Variants in PHF19 observed in about 807,000 individuals in gnomAD.
PHF19 encodes the protein polycomb like 3.
A neutral mutation model predicts 79.8 loss-of-function variants in PHF19; 21 were observed. The ratio of observed to expected loss-of-function variants is 0.26; its 90% confidence interval spans 0.19 to 0.38. PHF19 has a LOEUF of 0.38. PHF19 is among the 10% of genes least tolerant of loss of function. PHF19 has a pLI of 1.00. For missense variants in PHF19, 445 were observed against 744.2 expected, an observed-to-expected ratio of 0.60 and a Z score of 4.68; for synonymous variants, 273 against 296.3, an observed-to-expected ratio of 0.92 and a Z score of 0.81.
chr9:120,870,511 C>G lies in PHF19; in HGVS notation c.296G>C (p.Cys99Ser). The G allele has an allele frequency of 6.2e-7, 1 of 1,612,162 alleles. No individual in the cohort carries two copies. Among genetic ancestry groups the G allele is most frequent in the Non-Finnish European group, 8.5e-7 (1 of 1,178,180 alleles). Residue 99 changes from cysteine to serine, a missense_variant, in exon 4 of 15, where the codon TGC becomes TCC. Cys to Ser is a moderately radical substitution (Grantham distance 112, BLOSUM62 -1). Coordinates refer to ENST00000373896, the MANE Select transcript of PHF19 (RefSeq NM_015651.3). This position sits in a 1 kb window ranked among gnomAD's most constrained non-coding sequence, Gnocchi z 4.4. Reference protein sequence around the residue: ...HAGVPGEEPKCNICLGKTSGP... With the variant: ...HAGVPGEEPKSNICLGKTSGP... ...TGATGTCTTCCCTAGGCAGATGTTGCACTTGGGCTCCTCTCCTGGAACACC... is the reference window on the plus strand; with the variant it reads ...TGATGTCTTCCCTAGGCAGATGTTGGACTTGGGCTCCTCTCCTGGAACACC...
Position 120,864,066 on chromosome 9 carries a change from C to T in PHF19, c.951G>A (p.Leu317=), listed in dbSNP as rs1247762562. Residue 317 remains leucine (L), a synonymous_variant, in exon 10 of 15, where the codon CTG becomes CTA. Coordinates refer to ENST00000373896, the MANE Select transcript of PHF19 (RefSeq NM_015651.3). ...GCACGCACCGGCTTTTATAACTGTT[C>T]AGAGCGTTGAGGAGATGTGGTCCTC... ...TDRGPHLLNA[L]NSYKSRFLCG... The T allele has an allele frequency of 2.5e-6, 4 of 1,613,758 alleles. No homozygotes were observed. Among genetic ancestry groups the T allele is most frequent in the African/African-American group, 2.7e-5 (2 of 74,924 alleles).
Position 120,885,231 on chromosome 9 carries a change from C to G in PHF19, c.42+9557G>C, listed in dbSNP as rs148152263. ...AGACCCTGTGTCTTAATGGAGGGAA[C>G]CTTCCAAGTCAAGTTTTCCAACTTC... is the stretch of plus-strand genomic sequence containing the variant. On this transcript the variant is annotated intron_variant, in intron 1 of 14. Transcript: ENST00000616568. 5.9e-5 allele frequency among the ~76,000 whole-genome samples: 9 copies of G among 152,138 alleles called. No homozygotes were observed. In the East Asian group the frequency reaches 1.4e-3, roughly 23 times the overall value.
At chr9:120,872,037 C>CAACAA (rs2045912335) in intron 3 of PHF19, among the ~76,000 whole-genome samples, 1 of 30,322 alleles carries the variant, frequency 3.3e-5, no homozygotes, top group Admixed American at 6.0e-4. Flanking sequence ...GACTCTGTCT[C>CAACAA]AAAAAAAAAA....
chr9:120,879,043 G>T (rs906944963), upstream of PHF19, among the ~76,000 whole-genome samples: 1 of 126,704 alleles, frequency 7.9e-6, no homozygotes, highest in Non-Finnish European at 1.7e-5. Context: ...ATGGGAGCCT[G>T]AGTGTGTCAC....
chr9:120,881,497 T>G (rs996309426), upstream of PHF19, among the ~76,000 whole-genome samples: 1 of 152,114 alleles, frequency 6.6e-6, no homozygotes, highest in Non-Finnish European at 1.5e-5. Flanking sequence ...AAAAAAAAAT[T>G]AAAATCTGAG....
At position 120,874,163 on chromosome 9, in the gene PHF19, C is replaced by A; in HGVS notation, c.187-103G>T. The A allele has an allele frequency of 1.4e-6, 1 of 698,732 alleles. No homozygotes were observed. The highest frequency in any genetic ancestry group is 1.7e-5 in the South Asian group (1 of 59,784). 43.3% of individuals were successfully genotyped at this position (698,732 alleles called of 1,614,324 possible). ...TTTTGTCTCCGTATGTTCCAGAAAG[C>A]AGGGCTAGAAGGGGAAGAAGGATGG... On this transcript the variant is annotated intron_variant, in intron 2 of 14. Coordinates refer to ENST00000373896, the MANE Select transcript of PHF19 (RefSeq NM_015651.3). The surrounding 1 kb of genome is among the most constrained non-coding windows in gnomAD (Gnocchi z 4.5).
In PHF19 at chr9:120,869,476, C is replaced by G; in HGVS notation, c.466-146G>C. On this transcript the variant is annotated intron_variant, in intron 5 of 14. Coordinates refer to ENST00000373896, the MANE Select transcript of PHF19 (RefSeq NM_015651.3). The surrounding 1 kb of genome is among the most constrained non-coding windows in gnomAD (Gnocchi z 5.8). ...TAGTCAGAAAAGCAAGGAGCTTTTTCTCATTAATTCCAAACCCATCCCCTC... is the reference window on the plus strand; with the variant it reads ...TAGTCAGAAAAGCAAGGAGCTTTTTGTCATTAATTCCAAACCCATCCCCTC... 7.5e-7 allele frequency: 1 copy of G among 1,331,806 alleles called. No individual in the cohort carries two copies. Among genetic ancestry groups the G allele is most frequent in the Non-Finnish European group, 1.0e-6 (1 of 1,000,390 alleles). 82.5% of individuals were successfully genotyped at this position (1,331,806 alleles called of 1,614,324 possible). A position where few individuals can be genotyped will look rare whatever the true frequency, so the allele number is the denominator to read the frequency against.
rs2045827057 is a variant in PHF19 at position 120,869,586 on chromosome 9, A to C, written c.466-256T>G. 2 of 1,470,184 alleles carry C rather than the reference A, an allele frequency of 1.4e-6. No individual in the cohort carries two copies. Among genetic ancestry groups the C allele is most frequent in the African/African-American group, 2.8e-5 (2 of 70,742 alleles). The allele number at this position is 1,470,184 out of a possible 1,614,324, so 91.1% of individuals were successfully genotyped here. On this transcript the variant is annotated intron_variant, in intron 5 of 14. Transcript: ENST00000373896. This position sits in a 1 kb window ranked among gnomAD's most constrained non-coding sequence, Gnocchi z 5.8. ...CAATTACCAACATGTATTTACATGG[A>C]TTTTCTTTTTTAATAGTAAAGCATC... is the stretch of plus-strand genomic sequence containing the variant.
Position 120,865,321 on chromosome 9 carries a change from C to T in PHF19, c.900+389G>A, listed in dbSNP as rs553148055. 2.6e-4 allele frequency among the ~76,000 whole-genome samples: 39 copies of T among 152,312 alleles called. No homozygotes were observed. In the South Asian group the frequency reaches 6.4e-3, roughly 25 times the overall value. On this transcript the variant is annotated intron_variant, in intron 9 of 14. Transcript: ENST00000373896. ...GCAACTCTGACATTCCGAAAGTCTC[C>T]GTTTGTAATTTCACTCCGTGGATCT...
intron 1 of PHF19, among the ~76,000 whole-genome samples, chr9:120,882,617 G>T (rs558390594): frequency 6.6e-6 from 1 of 152,010 alleles, no homozygotes. Flanking sequence ...TGAGGTGGGC[G>T]GATCACCTGA....
Position 120,887,234 on chromosome 9 carries a change from C to T in PHF19, c.42+7554G>A, listed in dbSNP as rs563718100. Among the ~76,000 whole-genome samples the T allele has an allele frequency of 2.0e-3, 300 of 152,158 alleles. 1 individual carries two copies. The highest frequency in any genetic ancestry group is 7.1e-3 in the African/African-American group (293 of 41,500). On this transcript the variant is annotated intron_variant, in intron 1 of 14. Coordinates refer to the PHF19 transcript ENST00000616568. ...CTTTGGGAGGCCAAGGTGGGCGGAT[C>T]ACCTGAGGTCAGGATTTCAAGACCA...
In PHF19 at chr9:120,869,282, C is replaced by T. The variant is rs2045816770; in HGVS notation, c.514G>A (p.Val172Met). 1.2e-6 allele frequency: 2 copies of T among 1,612,904 alleles called. No individual in the cohort carries two copies. Among genetic ancestry groups the T allele is most frequent in the South Asian group, 1.1e-5 (1 of 90,840 alleles). Residue 172 changes from valine to methionine, a missense_variant, in exon 6 of 15, where the codon GTG becomes ATG. Transcript: ENST00000373896. This position sits in a 1 kb window ranked among gnomAD's most constrained non-coding sequence, Gnocchi z 5.8. ...KGAIARTLQAVKMVLSYQPEE... is the reference protein window; with the variant it reads ...KGAIARTLQAMKMVLSYQPEE... ...GGCTGGTAGGACAGCACCATCTTCA[C>T]GGCCTGCAGCGTCCTGGCGATGGCG...
At chr9:120,859,592 C>T (rs2045458116) in intron 14 of PHF19, among the ~76,000 whole-genome samples, 1 of 152,168 alleles carries the variant, frequency 6.6e-6, no homozygotes, top group Non-Finnish European at 1.5e-5. Flanking sequence ...TGTCCCCACT[C>T]CTAAATCTTC....
At chr9:120,883,176 A>T (rs1395538675) in intron 1 of PHF19, among the ~76,000 whole-genome samples, 1 of 151,724 alleles carries the variant, frequency 6.6e-6, no homozygotes, top group Non-Finnish European at 1.5e-5. Context: ...TGGGGAAATG[A>T]GAGAAGTCTG....
At chr9:120,890,279 T>C (rs146853602) in intron 1 of PHF19, among the ~76,000 whole-genome samples, 2 of 60,634 alleles carry the variant, frequency 3.3e-5, no homozygotes, top group African/African-American at 6.4e-5. Flanking sequence ...CCTGCTTTTT[T>C]TTTTTTTTTT....
At chr9:120,894,062 T>G (rs2046374304) in intron 1 of PHF19, among the ~76,000 whole-genome samples, 1 of 152,198 alleles carries the variant, frequency 6.6e-6, no homozygotes, top group East Asian at 1.9e-4. Flanking sequence ...GGCCGGTTTT[T>G]GGACCACTGG....
At chr9:120,867,276 G>A (rs1238341095) in intron 6 of PHF19, among the ~76,000 whole-genome samples, 1 of 152,216 alleles carries the variant, frequency 6.6e-6, no homozygotes, top group Non-Finnish European at 1.5e-5. Flanking sequence ...TTCAGAGGCT[G>A]TGCTCTCCTT....
intron 1 of PHF19, among the ~76,000 whole-genome samples, chr9:120,888,045 T>G (rs1247536117): frequency 2.0e-5 from 3 of 152,206 alleles, no homozygotes; most frequent in Non-Finnish European, 2.9e-5. Flanking sequence ...CGATCTCAGC[T>G]CACTGCAACC....
At chr9:120,898,423 T>C (rs2046418540), upstream of PHF19, among the ~76,000 whole-genome samples, 1 of 152,224 alleles carries the variant, frequency 6.6e-6, no homozygotes, top group East Asian at 1.9e-4. Flanking sequence ...GGCCCTGAGA[T>C]TGTTTTTTCA....
Sources: allele counts gnomAD v4.1 joint callset (sites outside exome capture counted in the v4.1 genomes callset), GRCh38; gene constraint gnomAD v4.1.1; non-coding constraint Gnocchi (gnomAD v3.1); transcripts MANE v1.5; gene names NCBI Gene and HGNC (gene_info 2026-07-23, HGNC 2026-07-21).